The following TLL2 variants were observed in gnomAD, a reference collection of about 807,000 sequenced individuals.
TLL2 encodes the protein tolloid like 2.
In TLL2, 106 loss-of-function variants were observed where a neutral mutation model predicts 123.0. That is an observed-to-expected ratio of 0.86 (90% confidence interval 0.74 to 1.01). The LOEUF is 1.01. TLL2 is among the 50% of genes least tolerant of loss of function. TLL2 has a pLI of 0.00. For missense variants in TLL2, 1,332 were observed against 1,336.7 expected (o/e 1.00, Z 0.06); for synonymous variants, 494 against 516.8 (o/e 0.96, Z 0.60).
chr10:96,373,579 T>G lies in TLL2; in HGVS notation c.2662+17A>C. On this transcript the variant is annotated intron_variant, in intron 19 of 20. Coordinates refer to ENST00000357947, the MANE Select transcript of TLL2 (RefSeq NM_012465.4). Reference sequence around the variant, plus strand: ...CAAGTGCTCATCAGGTGGAAGCCAGTGTCCCACCCCAGGTACCTGTGCTGT... The same window carrying G: ...CAAGTGCTCATCAGGTGGAAGCCAGGGTCCCACCCCAGGTACCTGTGCTGT... 2.5e-6 allele frequency: 4 copies of G among 1,610,068 alleles called. No homozygotes were observed. The highest frequency in any genetic ancestry group is 3.4e-6 in the Non-Finnish European group (4 of 1,176,398).
At chr10:96,450,306 C>T (rs190547345) in intron 2 of TLL2, among the ~76,000 whole-genome samples, 57 of 152,178 alleles carry the variant, frequency 3.7e-4, no homozygotes, top group Non-Finnish European at 4.7e-4. Flanking sequence ...GAGAAGGAGG[C>T]AACTATTCTT....
chr10:96,423,732 A>C (rs1846649210), intron 5 of TLL2, among the ~76,000 whole-genome samples: 1 of 152,152 alleles, frequency 6.6e-6, no homozygotes, highest in Non-Finnish European at 1.5e-5. Context: ...GTCAAATTGC[A>C]CTCCCAAAAT....
rs765866838 is a variant in TLL2 at position 96,432,960 on chromosome 10, C to CTCAGGAGA, written c.366_367insTCTCCTGA (p.Gly123SerfsTer65). ...TGCAGGAGTGTGGTATTCTCCCGGC[C>CTCAGGAGA]ATCTGCAACACAGTCAGGTTAATAT... is the stretch of plus-strand genomic sequence containing the variant. On this transcript the variant is annotated frameshift_variant and splice_region_variant, in exon 4 of 21. Transcript: ENST00000357947. LOFTEE classifies it high-confidence loss of function. 1.2e-5 allele frequency: 19 copies of CTCAGGAGA among 1,612,894 alleles called. No homozygotes were observed. Among genetic ancestry groups the CTCAGGAGA allele is most frequent in the Non-Finnish European group, 8.5e-7 (1 of 1,179,336 alleles).
chr10:96,481,258 C>T (rs887078690), intron 1 of TLL2, among the ~76,000 whole-genome samples: 1 of 152,014 alleles, frequency 6.6e-6, no homozygotes, highest in African/African-American at 2.4e-5. Flanking sequence ...GCAATCCTCC[C>T]ACCTCAGCTG....
intron 16 of TLL2, among the ~76,000 whole-genome samples, chr10:96,382,745 T>G (rs938551847): frequency 2.6e-5 from 4 of 152,214 alleles, no homozygotes; most frequent in African/African-American, 9.6e-5. Context: ...TGTTCCCCCT[T>G]GATTTTGGAC....
At chr10:96,454,011 G>GCACACACA (rs138026221) in intron 2 of TLL2, among the ~76,000 whole-genome samples, 208 of 150,032 alleles carry the variant, frequency 1.4e-3, no homozygotes, top group African/African-American at 2.0e-3. Context: ...GTGTGCGCCT[G>GCACACACA]CACACACACA....
In TLL2 at chr10:96,472,580, C is replaced by T. The variant is rs1847194429; in HGVS notation, c.286+7769G>A. Among the ~76,000 whole-genome samples, 2 of 151,744 alleles carry T rather than the reference C, an allele frequency of 1.3e-5. 1 individual carries two copies. The highest frequency in any genetic ancestry group is 4.2e-4 in the South Asian group (2 of 4,808). On this transcript the variant is annotated intron_variant, in intron 2 of 20. Coordinates refer to ENST00000357947, the MANE Select transcript of TLL2 (RefSeq NM_012465.4). Reference sequence around the variant, plus strand: ...AGTTCAAGACCAGCCTGGGAAACAACATGACATCTCGTCTCCACAAAAAAT... The same window carrying T: ...AGTTCAAGACCAGCCTGGGAAACAATATGACATCTCGTCTCCACAAAAAAT...
chr10:96,413,967 C>T lies in TLL2; in HGVS notation c.924-651G>A, dbSNP rs1053531452. 1.5e-4 allele frequency among the ~76,000 whole-genome samples: 23 copies of T among 152,246 alleles called. No homozygotes were observed. The Middle Eastern group carries it at 0.01, about 68-fold the overall frequency. On this transcript the variant is annotated intron_variant, in intron 7 of 20. Transcript: ENST00000357947. ...CCTCTCTAAGTCTCAGTTTACCCCA[C>T]TAAACAATAAGAAATTTGTTGAGAT...
chr10:96,420,159 A>G (rs1846605042), intron 7 of TLL2, among the ~76,000 whole-genome samples: 1 of 152,252 alleles, frequency 6.6e-6, no homozygotes, highest in African/African-American at 2.4e-5. Context: ...TTTTAACAGG[A>G]GACTGAAGAG....
Position 96,451,140 on chromosome 10 carries a change from C to A in TLL2, c.287-4972G>T, listed in dbSNP as rs567590328. The stretch of plus-strand genomic sequence containing the variant: ...ATGTTTCTATCCAGCATTTGCAATT[C>A]AATCCCACAGTTTCCTTTATGGAAC... On this transcript the variant is annotated intron_variant, in intron 2 of 20. Transcript: ENST00000357947. Among the ~76,000 whole-genome samples the A allele has an allele frequency of 4.6e-5, 7 of 152,346 alleles. No homozygotes were observed. The South Asian group carries it at 1.5e-3, about 32-fold the overall frequency.
At position 96,368,200 on chromosome 10, in the gene TLL2, G is replaced by A; in HGVS notation, c.2936C>T (p.Ala979Val). 1.2e-6 allele frequency: 2 copies of A among 1,614,116 alleles called. No individual in the cohort carries two copies. The highest frequency in any genetic ancestry group is 1.7e-6 in the Non-Finnish European group (2 of 1,180,032). Reference protein sequence around the residue: ...GSGPLEEIYSAGDSLMIRFRT... With the variant: ...GSGPLEEIYSVGDSLMIRFRT... ...GAATCGAATCATCAGGGAATCACCT[G>A]CAGAGTAGATTTCTTCTAATGGCTG... Residue 979 changes from alanine (A) to valine (V), a missense_variant, in exon 21 of 21, where the codon GCA becomes GTA. Physicochemically the swap from Ala to Val is moderately conservative, Grantham distance 64 (BLOSUM62 0). Transcript: ENST00000357947.
At chr10:96,407,942 C>T (rs1216824101) in intron 9 of TLL2, among the ~76,000 whole-genome samples, 1 of 152,204 alleles carries the variant, frequency 6.6e-6, no homozygotes, top group Non-Finnish European at 1.5e-5. Flanking sequence ...CTGTGTTTTT[C>T]GACCCTACTT....
chr10:96,404,853 C>G (rs1846434412), intron 10 of TLL2, among the ~76,000 whole-genome samples: 1 of 152,154 alleles, frequency 6.6e-6, no homozygotes, highest in Non-Finnish European at 1.5e-5. Context: ...TAGTCAACTA[C>G]AACTTCATTT....
rs116917535 is a variant in TLL2, at chr10:96,415,934, G to A, written c.924-2618C>T. ...CTCACTTTCCAACCTTAGCCTGTGG[G>A]AGTATAGATCATCTGCTGATTTCCT... On this transcript the variant is annotated intron_variant, in intron 7 of 20. Coordinates refer to ENST00000357947, the MANE Select transcript of TLL2 (RefSeq NM_012465.4). Among the ~76,000 whole-genome samples, 1,479 of 150,822 alleles carry A rather than the reference G, an allele frequency of 9.8e-3. 10 individuals carry two copies. Among genetic ancestry groups the A allele is most frequent in the Non-Finnish European group, 0.015 (1,047 of 67,762 alleles).
At chr10:96,485,589 G>A (rs1190566865) in intron 1 of TLL2, among the ~76,000 whole-genome samples, 1 of 152,204 alleles carries the variant, frequency 6.6e-6, no homozygotes, top group African/African-American at 2.4e-5. Context: ...CCACAATGAA[G>A]TACCACTTCA....
At chr10:96,454,867 T>G (rs1266375302) in intron 2 of TLL2, among the ~76,000 whole-genome samples, 1 of 152,140 alleles carries the variant, frequency 6.6e-6, no homozygotes, top group Non-Finnish European at 1.5e-5. Flanking sequence ...TAAGCCATAT[T>G]TTATACCTGA....
At chr10:96,414,222 G>A (rs1302992363) in intron 7 of TLL2, among the ~76,000 whole-genome samples, 1 of 152,052 alleles carries the variant, frequency 6.6e-6, no homozygotes, top group African/African-American at 2.4e-5. Flanking sequence ...TGGATGTTAG[G>A]CCTCTCCTTG....
intron 10 of TLL2, among the ~76,000 whole-genome samples, chr10:96,402,620 T>C (rs529598800): frequency 6.6e-6 from 1 of 152,340 alleles, no homozygotes; most frequent in Non-Finnish European, 1.5e-5. Flanking sequence ...GCCCTGCCAC[T>C]GTGGGGCGGA....
intron 16 of TLL2, among the ~76,000 whole-genome samples, chr10:96,382,099 GCT>G (rs1403443749): frequency 2.0e-5 from 3 of 151,608 alleles, no homozygotes; most frequent in African/African-American, 7.3e-5. Flanking sequence ...ACGGCATCTT[GCT>G]CTGTCACCCA....
Sources: gnomAD v4.1 joint callset for allele counts (sites outside exome capture counted in the v4.1 genomes callset) on GRCh38, gnomAD v4.1.1 for gene constraint, MANE v1.5 for transcripts, NCBI Gene and HGNC (gene_info 2026-07-23, HGNC 2026-07-21) for gene names.